The following PCGF5 variants were observed in gnomAD, a reference collection of about 807,000 sequenced individuals.
The protein encoded by PCGF5 is polycomb group ring finger 5, also known as polycomb group RING finger protein 5.
A neutral mutation model predicts 44.3 loss-of-function variants in PCGF5; 9 were observed. That is an observed-to-expected ratio of 0.20 (90% confidence interval 0.12 to 0.35). The LOEUF is 0.35. Ranked by LOEUF, PCGF5 falls within the 10% of genes least tolerant of loss-of-function variation. The probability of loss-of-function intolerance (pLI) is 1.00; values close to 1 mark genes in which losing one functional copy is unlikely to be tolerated. For synonymous variants in PCGF5, 95 were observed against 102.5 expected (o/e 0.93, Z 0.44); for missense variants, 146 against 305.3 (o/e 0.48, Z 3.89).
At chr10:91,262,680 T>G (rs1185629298) in intron 7 of PCGF5, among the ~76,000 whole-genome samples, 1 of 152,216 alleles carries the variant, frequency 6.6e-6, no homozygotes, top group Non-Finnish European at 1.5e-5. Context: ...ATTGTTATTA[T>G]GGTATGGTTC....
chr10:91,276,981 A>G (rs2133470683), intron 9 of PCGF5, among the ~76,000 whole-genome samples: 1 of 152,336 alleles, frequency 6.6e-6, no homozygotes, highest in East Asian at 1.9e-4. Context: ...GGAACTAAAT[A>G]AAGTTTAAAA....
upstream of PCGF5, among the ~76,000 whole-genome samples, chr10:91,217,910 C>T (rs563374816): frequency 6.6e-6 from 1 of 152,304 alleles, no homozygotes; most frequent in Non-Finnish European, 1.5e-5. Flanking sequence ...CCTCAGCCTC[C>T]CTAGTAGCTG....
chr10:91,193,885 G>A (rs1361716217), intron 1 of PCGF5, among the ~76,000 whole-genome samples: 1 of 152,122 alleles, frequency 6.6e-6, no homozygotes, highest in Admixed American at 6.5e-5. Flanking sequence ...ATGTTGAGAA[G>A]TGATCAGATT....
intron 8 of PCGF5, among the ~76,000 whole-genome samples, chr10:91,270,020 T>G (rs1846140547): frequency 6.6e-6 from 1 of 152,234 alleles, no homozygotes; most frequent in Non-Finnish European, 1.5e-5. Context: ...CTGAAGTGTT[T>G]AGCAGAGTGT....
chr10:91,253,850 A>G (rs1166152757), intron 6 of PCGF5, among the ~76,000 whole-genome samples: 3 of 152,102 alleles, frequency 2.0e-5, no homozygotes, highest in Non-Finnish European at 4.4e-5. Context: ...TGTAGGCCAT[A>G]TGGTCTCTGT....
At chr10:91,254,670 G>GC (rs1326060983) in intron 6 of PCGF5, among the ~76,000 whole-genome samples, 1 of 152,038 alleles carries the variant, frequency 6.6e-6, no homozygotes, top group Admixed American at 6.6e-5. Flanking sequence ...GGCAGTAGTT[G>GC]CATGTATAGT....
chr10:91,247,405 G>A (rs1219961078), intron 3 of PCGF5, among the ~76,000 whole-genome samples: 1 of 152,132 alleles, frequency 6.6e-6, no homozygotes, highest in Non-Finnish European at 1.5e-5. Flanking sequence ...CAGAAATAAT[G>A]TAGGTTTTAT....
chr10:91,167,572 GAGA>G (rs1408818982), intron 1 of PCGF5, among the ~76,000 whole-genome samples: 1 of 152,198 alleles, frequency 6.6e-6, no homozygotes, highest in Non-Finnish European at 1.5e-5. Context: ...TCCAGGATTT[GAGA>G]AGAATGTGGT....
intron 5 of PCGF5, 115 bp downstream of exon 5, chr10:91,248,839 G>A (rs1336819892): frequency 2.4e-6 from 2 of 848,704 alleles, no homozygotes; most frequent in Non-Finnish European, 3.7e-6. Flanking sequence ...CAAAATTCAT[G>A]CACCCTTTTA....
intron 1 of PCGF5, among the ~76,000 whole-genome samples, chr10:91,188,658 A>T (rs987132721): frequency 6.6e-6 from 1 of 152,020 alleles, no homozygotes; most frequent in Non-Finnish European, 1.5e-5. Context: ...ATTCACGTTC[A>T]TTTCCTCACT....
chr10:91,174,267 G>A (rs968371885), intron 1 of PCGF5, among the ~76,000 whole-genome samples: 1 of 152,118 alleles, frequency 6.6e-6, no homozygotes, highest in African/African-American at 2.4e-5. Context: ...ATCACTTTGG[G>A]AAGCTAAGGT....
At chr10:91,168,957 A>T (rs7904724) in intron 1 of PCGF5, among the ~76,000 whole-genome samples, 21,944 of 134,414 alleles carry the variant, frequency 0.16, 3,306 homozygotes, top group African/African-American at 0.41. Context: ...AAAAAAAAAA[A>T]AGAAGGCTTG....
chr10:91,196,699 G>A (rs148047422), intron 1 of PCGF5, among the ~76,000 whole-genome samples: 3 of 152,208 alleles, frequency 2.0e-5, no homozygotes, highest in African/African-American at 7.2e-5. Flanking sequence ...TGTATTTCTT[G>A]TTGGTCCCCC....
Position 91,278,417 on chromosome 10 carries a change from G to C in PCGF5, c.*101G>C. 1 of 1,047,316 alleles carries C rather than the reference G, an allele frequency of 9.5e-7. No individual in the cohort carries two copies. The allele number at this position is 1,047,316 out of a possible 1,614,324, so 64.9% of individuals were successfully genotyped here. On this transcript the variant is annotated 3_prime_UTR_variant, in exon 10 of 10. Transcript: ENST00000336126. ...TGTGTGGACTAGAGGAACACAACCA[G>C]ATTTTCAGCATGCAAATAAGGCCAT... is the stretch of plus-strand genomic sequence containing the variant.
chr10:91,212,750 G>A (rs1230632297), intron 1 of PCGF5, among the ~76,000 whole-genome samples: 1 of 152,126 alleles, frequency 6.6e-6, no homozygotes, highest in Non-Finnish European at 1.5e-5. Context: ...CAAGAGTTCT[G>A]TTTTAATACC....
In PCGF5 at chr10:91,179,308, G is replaced by A. The variant is rs1457761200; in HGVS notation, c.-184+16227G>A. Among the ~76,000 whole-genome samples the A allele has an allele frequency of 3.3e-5, 5 of 152,084 alleles. No homozygotes were observed. In the East Asian group the frequency reaches 9.6e-4, roughly 29 times the overall value. On this transcript the variant is annotated intron_variant, in intron 1 of 9. Coordinates refer to the PCGF5 transcript ENST00000614189. ...CCATGAATAATCAGAGTGGCTGTCA[G>A]GGAGCCAATATTTGTTTCTTTTTTA...
At chr10:91,160,369 C>T (rs577667612), upstream of PCGF5, among the ~76,000 whole-genome samples, 9 of 152,318 alleles carry the variant, frequency 5.9e-5, no homozygotes, top group Non-Finnish European at 1.2e-4. Flanking sequence ...GAACCGTCAG[C>T]AGTGTTGTTG....
At chr10:91,208,086 C>A (rs1844379196) in intron 1 of PCGF5, among the ~76,000 whole-genome samples, 2 of 152,100 alleles carry the variant, frequency 1.3e-5, no homozygotes, top group African/African-American at 4.8e-5. Flanking sequence ...GCAATTTTTT[C>A]TTAATAGTTT....
the PCGF5 span, among the ~76,000 whole-genome samples, chr10:91,156,376 TA>T: frequency 1.3e-5 from 2 of 152,158 alleles, no homozygotes; most frequent in African/African-American, 4.8e-5. Context: ...AAAGATACCC[TA>T]GGGGCAAGAA....
Sources: gnomAD v4.1 joint callset for allele counts (sites outside exome capture counted in the v4.1 genomes callset) on GRCh38, gnomAD v4.1.1 for gene constraint, MANE v1.5 for transcripts, NCBI Gene and HGNC (gene_info 2026-07-23, HGNC 2026-07-21) for gene names.